TMC5: variants seen among roughly 807,000 people sequenced by gnomAD.
TMC5 encodes the protein transmembrane channel-like protein 5.
TMC5 carries 86 observed loss-of-function variants against 110.5 expected under a neutral mutation model. The observed-to-expected ratio is 0.78, with a 90% CI of 0.65 to 0.93. The LOEUF is 0.93. TMC5 is among the 40% of genes least tolerant of loss of function. TMC5 has a pLI of 0.00. For synonymous variants in TMC5, 455 were observed against 439.5 expected (o/e 1.04, Z -0.44); for missense variants, 1,144 against 1,222.8 (o/e 0.94, Z 0.96).
intron 8 of TMC5, among the ~76,000 whole-genome samples, chr16:19,465,734 T>A (rs1344461990): frequency 1.3e-5 from 2 of 152,190 alleles, no homozygotes; most frequent in Non-Finnish European, 2.9e-5. Flanking sequence ...ATAGGCTTGA[T>A]TCGTTTCCTA....
chr16:19,420,708 C>T (rs1466749876), intron 1 of TMC5, among the ~76,000 whole-genome samples: 5 of 152,224 alleles, frequency 3.3e-5, no homozygotes. Context: ...AGCAATCCTC[C>T]TGCCTCAGCC....
At chr16:19,427,301 T>C (rs1289557974) in intron 1 of TMC5, among the ~76,000 whole-genome samples, 1 of 152,066 alleles carries the variant, frequency 6.6e-6, no homozygotes, top group Non-Finnish European at 1.5e-5. Flanking sequence ...AAATTAAATT[T>C]AATAGTTGGG....
Position 19,444,159 on chromosome 16 carries a change from G to C in TMC5, c.867G>C (p.Glu289Asp). ...ACCCCGTGGGCAGTCTTTGGGGAGAGAATGATTACCCTGAAGGCATTGAAA... is the reference window on the plus strand; with the variant it reads ...ACCCCGTGGGCAGTCTTTGGGGAGACAATGATTACCCTGAAGGCATTGAAA... ...SDDPVGSLWGENDYPEGIEMA... is the reference protein window; with the variant it reads ...SDDPVGSLWGDNDYPEGIEMA... Residue 289 changes from glutamate (E) to aspartate (D), a missense_variant, in exon 4 of 22, where the codon GAG becomes GAC. Coordinates refer to ENST00000542583, the MANE Select transcript of TMC5 (RefSeq NM_001261841.2). 1 of 1,614,066 alleles carries C rather than the reference G, an allele frequency of 6.2e-7. No homozygotes were observed. Among genetic ancestry groups the C allele is most frequent in the Admixed American group, 1.7e-5 (1 of 59,992 alleles).
At chr16:19,422,738 A>G (rs1967012205) in intron 1 of TMC5, among the ~76,000 whole-genome samples, 1 of 152,030 alleles carries the variant, frequency 6.6e-6, no homozygotes, top group Non-Finnish European at 1.5e-5. Context: ...AGGTGGGTGG[A>G]TCATGAGGTC....
intron 19 of TMC5, 85 bp downstream of exon 19, chr16:19,492,313 C>A: frequency 1.1e-6 from 1 of 929,778 alleles, no homozygotes; most frequent in South Asian, 1.4e-5. Flanking sequence ...GAGAATACTA[C>A]AATGAACTCT....
At chr16:19,469,881 G>C (rs145956875) in intron 10 of TMC5, 56 bp downstream of exon 10, 2 of 1,560,430 alleles carry the variant, frequency 1.3e-6, no homozygotes, top group Non-Finnish European at 1.7e-6. Context: ...CCCTTCTCCA[G>C]TATACCTGTA....
rs556628783 is a variant in TMC5 at position 19,498,151 on chromosome 16, C to A, written c.*185C>A. ...TGGGCATTCCATGCTATTTTTAATA[C>A]CTGGATTGCTGATTTTTCAAGACAA... On this transcript the variant is annotated 3_prime_UTR_variant, in exon 22 of 22. Transcript: ENST00000542583. 1.7e-6 allele frequency: 1 copy of A among 593,736 alleles called. No homozygotes were observed. The highest frequency in any genetic ancestry group is 3.0e-6 in the Non-Finnish European group (1 of 334,086). 36.8% of individuals were successfully genotyped at this position (593,736 alleles called of 1,614,324 possible). A position where few individuals can be genotyped will look rare whatever the true frequency, so the allele number is the denominator to read the frequency against.
chr16:19,444,379 T>A (rs1482634043), intron 4 of TMC5, 129 bp downstream of exon 4: 18 of 759,114 alleles, frequency 2.4e-5, no homozygotes, highest in Non-Finnish European at 3.3e-5. Flanking sequence ...AGACCCTTGT[T>A]TTTACATACA....
At chr16:19,493,465 C>CTCTCTCTTTCT (rs71375644) in intron 19 of TMC5, among the ~76,000 whole-genome samples, 1 of 74,790 alleles carries the variant, frequency 1.3e-5, no homozygotes, top group African/African-American at 3.4e-5. Flanking sequence ...CTCTCTCTCT[C>CTCTCTCTTTCT]TTTTTTTTTT....
At chr16:19,472,350 C>T (rs1048637488) in intron 11 of TMC5, 107 bp downstream of exon 11, 17 of 1,269,012 alleles carry the variant, frequency 1.3e-5, no homozygotes, top group Non-Finnish European at 1.8e-5. Context: ...CTATGGCCAG[C>T]AGCATCAGCA....
At chr16:19,441,136 C>T (rs561020895) in intron 3 of TMC5, among the ~76,000 whole-genome samples, 119 of 152,264 alleles carry the variant, frequency 7.8e-4, no homozygotes, top group African/African-American at 2.8e-3. Context: ...GACCCTGCTA[C>T]GTAGCCAACA....
Position 19,462,389 on chromosome 16 carries a change from T to C in TMC5, c.1149-891T>C, listed in dbSNP as rs1023417435. On this transcript the variant is annotated intron_variant, in intron 6 of 21. Transcript: ENST00000542583. ...CATTGCCAATTGTGTGGGGGCAAAA[T>C]CCCCCTAGGTTGAGAATGTGTATTA... 17 of 577,216 alleles carry C rather than the reference T, an allele frequency of 2.9e-5. No individual in the cohort carries two copies. The East Asian group carries it at 3.7e-4, about 13-fold the overall frequency. 35.8% of individuals were successfully genotyped at this position (577,216 alleles called of 1,614,324 possible). A position where few individuals can be genotyped will look rare whatever the true frequency, so the allele number is the denominator to read the frequency against.
intron 5 of TMC5, chr16:19,456,907 C>T (rs1448153928): frequency 1.9e-6 from 3 of 1,614,170 alleles, no homozygotes; most frequent in East Asian, 2.2e-5. Context: ...AAAAGGGTAA[C>T]CAGGTGCTGC....
intron 5 of TMC5, among the ~76,000 whole-genome samples, chr16:19,455,757 C>A (rs1469678468): frequency 9.9e-5 from 15 of 152,110 alleles, no homozygotes; most frequent in Non-Finnish European, 1.0e-4. Context: ...ACTATGTCTG[C>A]ACAGGAAATG....
intron 8 of TMC5, among the ~76,000 whole-genome samples, chr16:19,464,622 A>G (rs917762667): frequency 5.3e-5 from 8 of 152,132 alleles, no homozygotes; most frequent in Admixed American, 5.2e-4. Flanking sequence ...TATTCATTGT[A>G]TATTATCTAC....
At chr16:19,479,631 C>A in intron 14 of TMC5, 103 bp downstream of exon 14, 1 of 809,824 alleles carries the variant, frequency 1.2e-6, no homozygotes, top group Non-Finnish European at 2.1e-6. Context: ...TCAAAGCGTG[C>A]GTTGTTCCAA....
At chr16:19,456,561 G>A in intron 5 of TMC5, 1 of 1,433,326 alleles carries the variant, frequency 7.0e-7, no homozygotes. Context: ...GCTCATCCTG[G>A]CATTTTAAAA....
rs200495961 is a variant in TMC5, at chr16:19,463,317, C to T, written c.1186C>T (p.Arg396Cys). The change falls in exon 7 of 22, where the codon CGT becomes TGT. Residue 396 changes from arginine to cysteine, a missense_variant. Coordinates refer to ENST00000542583, the MANE Select transcript of TMC5 (RefSeq NM_001261841.2). ...CAAAGAAAAAAGCAAACAGACCCAT[C>T]GTATCCTTCAGCTCAATTGCTGTAT... ...VDKEKSKQTH[R>C]ILQLNCCIQC... The T allele has an allele frequency of 3.0e-4, 489 of 1,614,032 alleles. No individual in the cohort carries two copies. Among genetic ancestry groups the T allele is most frequent in the Non-Finnish European group, 3.7e-4 (434 of 1,179,932 alleles).
At chr16:19,457,662 A>C (rs967904148) in intron 5 of TMC5, among the ~76,000 whole-genome samples, 1 of 141,334 alleles carries the variant, frequency 7.1e-6, no homozygotes, top group Admixed American at 7.4e-5. Flanking sequence ...GTGACCTGGA[A>C]GATCTGGGGC....
Sources: allele counts gnomAD v4.1 joint callset (sites outside exome capture counted in the v4.1 genomes callset), GRCh38; gene constraint gnomAD v4.1.1; transcripts MANE v1.5; gene names NCBI Gene and HGNC (gene_info 2026-07-23, HGNC 2026-07-21).